SPAG9: variants seen among roughly 807,000 people sequenced by gnomAD.
The protein encoded by SPAG9 is C-Jun-amino-terminal kinase-interacting protein 4.
SPAG9 carries 35 observed loss-of-function variants against 166.5 expected under a neutral mutation model. The observed-to-expected ratio is 0.21, with a 90% CI of 0.16 to 0.28. The LOEUF (loss-of-function observed/expected upper bound fraction) is 0.28. Ranked by LOEUF, SPAG9 falls within the 10% of genes least tolerant of loss-of-function variation. SPAG9 has a pLI of 1.00. For missense variants in SPAG9, 1,235 were observed against 1,603.3 expected (o/e 0.77, Z 3.92); for synonymous variants, 534 against 565.5 (o/e 0.94, Z 0.79).
At chr17:51,029,232 C>A (rs911959601) in intron 6 of SPAG9, among the ~76,000 whole-genome samples, 2 of 152,048 alleles carry the variant, frequency 1.3e-5, no homozygotes, top group African/African-American at 4.8e-5. Flanking sequence ...AAATGATGAT[C>A]AACACCACTA....
At chr17:51,076,511 G>T (rs566824872) in intron 2 of SPAG9, among the ~76,000 whole-genome samples, 1 of 152,064 alleles carries the variant, frequency 6.6e-6, no homozygotes, top group African/African-American at 2.4e-5. Flanking sequence ...CGAGGCAGGC[G>T]GATCACCTGA....
chr17:51,036,066 CCTT>C (rs2046573027), intron 5 of SPAG9, among the ~76,000 whole-genome samples: 1 of 152,074 alleles, frequency 6.6e-6, no homozygotes, highest in Non-Finnish European at 1.5e-5. Flanking sequence ...TCCCCTCTGC[CCTT>C]CTTCTAAGAT....
intron 4 of SPAG9, among the ~76,000 whole-genome samples, chr17:51,043,534 A>G (rs2046918693): frequency 6.6e-6 from 1 of 152,320 alleles, no homozygotes; most frequent in Non-Finnish European, 1.5e-5. Context: ...TGACAGTGAT[A>G]AGTAGCTAGA....
At chr17:51,071,344 A>G (rs2047814890) in intron 2 of SPAG9, among the ~76,000 whole-genome samples, 1 of 152,194 alleles carries the variant, frequency 6.6e-6, no homozygotes, top group Admixed American at 6.5e-5. Context: ...TACACTCCTT[A>G]CACACTTGAA....
chr17:51,010,582 A>AAAT (rs1555638957), intron 9 of SPAG9, among the ~76,000 whole-genome samples: 23 of 130,638 alleles, frequency 1.8e-4, no homozygotes, highest in East Asian at 1.5e-3. Flanking sequence ...AAAAAAAAAA[A>AAAT]ATATATATAT....
At chr17:51,046,439 G>A (rs1274905018) in intron 4 of SPAG9, 8 of 1,231,854 alleles carry the variant, frequency 6.5e-6, no homozygotes, top group South Asian at 1.4e-5. Context: ...AAGCAGACCC[G>A]TTGAGCTAAA....
chr17:50,978,992 T>C (rs1974388394), intron 26 of SPAG9, among the ~76,000 whole-genome samples: 1 of 152,146 alleles, frequency 6.6e-6, no homozygotes, highest in Non-Finnish European at 1.5e-5. Context: ...AATACAGTTT[T>C]AGAGGCAGAC....
At chr17:51,061,612 C>CCAAAAAAAAA (rs34337438) in intron 2 of SPAG9, among the ~76,000 whole-genome samples, 1 of 31,726 alleles carries the variant, frequency 3.2e-5, no homozygotes, top group Admixed American at 5.4e-4. Context: ...GCTCTGTCTC[C>CCAAAAAAAAA]AAAAAAAAAA....
intron 6 of SPAG9, among the ~76,000 whole-genome samples, chr17:51,026,265 G>C (rs1440125277): frequency 6.6e-6 from 1 of 150,460 alleles, no homozygotes; most frequent in Non-Finnish European, 1.5e-5. Flanking sequence ...TTGTGGATCT[G>C]GGAGCATGAA....
intron 14 of SPAG9, 119 bp from the exon 15 acceptor site, chr17:50,998,736 A>C: frequency 2.1e-6 from 2 of 961,096 alleles, no homozygotes; most frequent in Non-Finnish European, 3.1e-6. Flanking sequence ...TGAGTTAGAA[A>C]TTGGCAAAAA....
intron 1 of SPAG9, among the ~76,000 whole-genome samples, chr17:51,091,119 G>A (rs1209338500): frequency 3.3e-5 from 5 of 151,418 alleles, no homozygotes; most frequent in Non-Finnish European, 5.9e-5. Flanking sequence ...CGAAAAATAT[G>A]AAAATTAGCC....
Position 50,998,051 on chromosome 17 carries a change from T to A in SPAG9, c.1838+393A>T, listed in dbSNP as rs997050898. 1.9e-4 allele frequency among the ~76,000 whole-genome samples: 28 copies of A among 144,614 alleles called. 1 individual carries two copies. Among genetic ancestry groups the A allele is most frequent in the Middle Eastern group, 3.6e-3 (1 of 280 alleles). The allele number at this position is 144,614 out of a possible 152,430, so 94.9% of individuals were successfully genotyped here. On this transcript the variant is annotated intron_variant, in intron 15 of 29. Transcript: ENST00000262013. ...TTTTTTTTTTTTTTTTTTTTTTTTT[T>A]AAAGATGGAATCTCACTCTGTCACC...
At chr17:50,995,024 T>C (rs1176677912) in intron 18 of SPAG9, 33 bp downstream of exon 18, 1 of 1,562,684 alleles carries the variant, frequency 6.4e-7, no homozygotes, top group Non-Finnish European at 8.7e-7. Context: ...CATAGTCTCA[T>C]AAACCAGGTC....
chr17:51,098,823 C>T (rs899511918), intron 1 of SPAG9, among the ~76,000 whole-genome samples: 4 of 149,510 alleles, frequency 2.7e-5, no homozygotes, highest in South Asian at 2.3e-4. Context: ...TACTTTGGGC[C>T]GGGCACAGTG....
chr17:51,037,690 G>A (rs71381331), intron 5 of SPAG9, among the ~76,000 whole-genome samples: 2,409 of 86,554 alleles, frequency 0.028, 97 homozygotes, highest in Admixed American at 0.068. Context: ...TATATAGTGT[G>A]TGTGTGTGTG....
At chr17:50,995,664 T>C in intron 16 of SPAG9, 131 bp from the exon 17 acceptor site, 1 of 631,264 alleles carries the variant, frequency 1.6e-6, no homozygotes, top group Non-Finnish European at 2.8e-6. Flanking sequence ...TTCAGGTTTT[T>C]TGTTTTTTTG....
At chr17:51,020,119 G>T (rs780538309) in intron 8 of SPAG9, 40 bp downstream of exon 8, 1 of 1,189,910 alleles carries the variant, frequency 8.4e-7, no homozygotes. Context: ...AGTTGGGGGT[G>T]GGGGGCGCAG....
Position 51,089,649 on chromosome 17 carries a change from TATATATATATATATAC to T in SPAG9, c.304-9961_304-9946del, listed in dbSNP as rs1363895237. On this transcript the variant is annotated intron_variant, in intron 1 of 29. Coordinates refer to ENST00000262013, the MANE Select transcript of SPAG9 (RefSeq NM_001130528.3). ...ATATATATATATATATATATATATA[TATATATATATATATAC>T]ACATACACACACACACTTTCTTTTT... Among the ~76,000 whole-genome samples the T allele has an allele frequency of 2.0e-3, 194 of 98,726 alleles. 6 individuals carry two copies. Among genetic ancestry groups the T allele is most frequent in the South Asian group, 6.5e-3 (21 of 3,236 alleles). 64.8% of individuals were successfully genotyped at this position (98,726 alleles called of 152,430 possible).
intron 27 of SPAG9, chr17:50,975,185 T>G: frequency 2.3e-6 from 1 of 433,032 alleles, no homozygotes; most frequent in Non-Finnish European, 4.1e-6. Context: ...TAAGTAAGCT[T>G]ATTTTTTAAA....
Sources: allele counts gnomAD v4.1 joint callset (sites outside exome capture counted in the v4.1 genomes callset), GRCh38; gene constraint gnomAD v4.1.1; transcripts MANE v1.5; gene names NCBI Gene and HGNC (gene_info 2026-07-23, HGNC 2026-07-21).